The following SLC30A8 variants were observed in gnomAD, a reference collection of about 807,000 sequenced individuals.
The protein encoded by SLC30A8 is solute carrier family 30 member 8.
SLC30A8 carries 27 observed loss-of-function variants against 36.9 expected under a neutral mutation model. The ratio of observed to expected loss-of-function variants is 0.73; its 90% CI spans 0.54 to 1.01. SLC30A8 has a LOEUF of 1.01. Ranked by LOEUF, SLC30A8 falls within the 50% of genes least tolerant of loss-of-function variation. The probability of loss-of-function intolerance (pLI) is 0.00; values close to 1 mark genes in which losing one functional copy is unlikely to be tolerated. For synonymous variants in SLC30A8, 164 were observed against 172.4 expected, an observed-to-expected ratio of 0.95 and a Z score of 0.38; for missense variants, 439 against 452.0, an observed-to-expected ratio of 0.97 and a Z score of 0.26.
chr8:117,117,886 G>T (rs375660218), intron 2 of SLC30A8, among the ~76,000 whole-genome samples: 17 of 151,888 alleles, frequency 1.1e-4, no homozygotes, highest in African/African-American at 4.1e-4. Flanking sequence ...CAAATTCTTT[G>T]CAGAGGCCTA....
intron 6 of SLC30A8, 51 bp from the exon 7 acceptor site, chr8:117,170,983 G>T: frequency 1.3e-6 from 2 of 1,481,488 alleles, no homozygotes. Context: ...GTAATTCAAT[G>T]AGCTGTATCT....
intron 1 of SLC30A8, among the ~76,000 whole-genome samples, chr8:116,970,594 C>G (rs915691030): frequency 7.2e-5 from 11 of 152,108 alleles, no homozygotes; most frequent in African/African-American, 2.7e-4. Flanking sequence ...TTTATAATGG[C>G]TATGATGTCA....
At chr8:117,047,084 G>A (rs1817575437) in intron 2 of SLC30A8, among the ~76,000 whole-genome samples, 2 of 152,154 alleles carry the variant, frequency 1.3e-5, no homozygotes, top group Non-Finnish European at 2.9e-5. Flanking sequence ...GTGGGAGACG[G>A]GATCTCGGAT....
intron 6 of SLC30A8, among the ~76,000 whole-genome samples, chr8:117,169,323 A>T (rs1823241315): frequency 6.6e-6 from 1 of 152,154 alleles, no homozygotes; most frequent in African/African-American, 2.4e-5. Flanking sequence ...CATTATTGGA[A>T]TGCTAAGCAT....
intron 2 of SLC30A8, among the ~76,000 whole-genome samples, chr8:117,083,415 G>T (rs1818740366): frequency 6.6e-6 from 1 of 152,138 alleles, no homozygotes; most frequent in African/African-American, 2.4e-5. Context: ...GTTGATAAGG[G>T]ATAATAAAGG....
At chr8:117,119,687 CAG>C (rs1003734535) in intron 2 of SLC30A8, among the ~76,000 whole-genome samples, 4 of 151,046 alleles carry the variant, frequency 2.6e-5, no homozygotes, top group African/African-American at 7.4e-5. Context: ...TTGCAGGAGA[CAG>C]AGAGTTTTGG....
At chr8:117,081,961 G>A (rs1425611728) in intron 2 of SLC30A8, among the ~76,000 whole-genome samples, 1 of 152,170 alleles carries the variant, frequency 6.6e-6, no homozygotes, top group Non-Finnish European at 1.5e-5. Context: ...GAATGTTGGA[G>A]CTGGACTCAA....
intron 2 of SLC30A8, among the ~76,000 whole-genome samples, chr8:117,058,181 GTCT>G (rs1043790635): frequency 6.6e-6 from 1 of 152,028 alleles, no homozygotes. Context: ...CCATTTGTAT[GTCT>G]TCTTTGAAAA....
At chr8:117,065,133 G>T (rs1818130377) in intron 2 of SLC30A8, among the ~76,000 whole-genome samples, 1 of 152,044 alleles carries the variant, frequency 6.6e-6, no homozygotes, top group South Asian at 2.1e-4. Flanking sequence ...AGTTATCTGG[G>T]TCAGAAAGAT....
At chr8:117,021,199 T>G (rs1217711907) in intron 1 of SLC30A8, among the ~76,000 whole-genome samples, 1 of 152,214 alleles carries the variant, frequency 6.6e-6, no homozygotes, top group Non-Finnish European at 1.5e-5. Context: ...GTTGTTACCA[T>G]GTAGAGCTTT....
intron 1 of SLC30A8, among the ~76,000 whole-genome samples, chr8:116,976,574 A>G (rs1815019711): frequency 1.3e-5 from 2 of 152,188 alleles, no homozygotes; most frequent in South Asian, 4.1e-4. Context: ...CTAGAAGGGC[A>G]TACTCTCCAA....
intron 2 of SLC30A8, among the ~76,000 whole-genome samples, chr8:117,069,363 AG>A (rs1340866913): frequency 6.6e-6 from 1 of 152,242 alleles, no homozygotes; most frequent in African/African-American, 2.4e-5. Flanking sequence ...GTAATTATCA[AG>A]GATCACCTTA....
chr8:117,112,464 A>G (rs1480413082), intron 2 of SLC30A8, among the ~76,000 whole-genome samples: 1 of 151,566 alleles, frequency 6.6e-6, no homozygotes, highest in Non-Finnish European at 1.5e-5. Context: ...GTTGGTGTAA[A>G]TGAAAAACCC....
At chr8:117,106,551 G>A (rs1820003756) in intron 2 of SLC30A8, among the ~76,000 whole-genome samples, 1 of 152,126 alleles carries the variant, frequency 6.6e-6, no homozygotes. Context: ...TTCTTTTGTG[G>A]ATGAGGACTC....
At chr8:117,028,756 C>CAA (rs1347927444) in intron 1 of SLC30A8, among the ~76,000 whole-genome samples, 1 of 151,376 alleles carries the variant, frequency 6.6e-6, no homozygotes. Context: ...TCATATATAT[C>CAA]AAAAGAAATA....
intron 2 of SLC30A8, among the ~76,000 whole-genome samples, chr8:117,046,276 C>T (rs1205539181): frequency 1.3e-5 from 2 of 152,184 alleles, no homozygotes; most frequent in African/African-American, 4.8e-5. Flanking sequence ...GGGTGGACCC[C>T]CCCACCGCCA....
chr8:117,170,601 T>G (rs1476211172), intron 6 of SLC30A8, among the ~76,000 whole-genome samples: 1 of 152,190 alleles, frequency 6.6e-6, no homozygotes, highest in Admixed American at 6.5e-5. Context: ...CTTAACACCC[T>G]TATTTTACTA....
chr8:116,976,345 T>G (rs1186116008), intron 1 of SLC30A8, among the ~76,000 whole-genome samples: 2 of 151,598 alleles, frequency 1.3e-5, no homozygotes, highest in Non-Finnish European at 2.9e-5. Flanking sequence ...TGGAAAAAGA[T>G]GTGCACAATA....
chr8:116,995,809 T>C (rs1022221709), intron 1 of SLC30A8, among the ~76,000 whole-genome samples: 1 of 152,056 alleles, frequency 6.6e-6, no homozygotes, highest in Non-Finnish European at 1.5e-5. Context: ...AGTCTGGCTT[T>C]CTTCATGGTT....
Sources: allele counts gnomAD v4.1 joint callset (sites outside exome capture counted in the v4.1 genomes callset), GRCh38; gene constraint gnomAD v4.1.1; transcripts MANE v1.5; gene names NCBI Gene and HGNC (gene_info 2026-07-23, HGNC 2026-07-21).